Variants in GATA4 observed in about 807,000 individuals in gnomAD.
GATA4 encodes the protein transcription factor GATA-4.
GATA4 carries 7 observed loss-of-function variants against 37.9 expected under a neutral mutation model. The ratio of observed to expected loss-of-function variants is 0.18; its 90% confidence interval spans 0.11 to 0.35. The LOEUF (loss-of-function observed/expected upper bound fraction) is 0.35, where lower values mean the gene tolerates loss of function less well. Among genes scored for constraint, GATA4 ranks in the 10% least tolerant of loss-of-function variants. The probability of loss-of-function intolerance (pLI) is 1.00; values close to 1 mark genes in which losing one functional copy is unlikely to be tolerated. For synonymous variants in GATA4, 372 were observed against 292.6 expected, an observed-to-expected ratio of 1.27 and a Z score of -2.77; for missense variants, 647 against 653.0, an observed-to-expected ratio of 0.99 and a Z score of 0.10.
At chr8:11,755,489 C>T (rs747596761) in intron 5 of GATA4, among the ~76,000 whole-genome samples, 4 of 152,204 alleles carry the variant, frequency 2.6e-5, no homozygotes, top group Non-Finnish European at 5.9e-5. Context: ...CCTTTCAATT[C>T]TCTTTGGGCT....
intron 2 of GATA4, among the ~76,000 whole-genome samples, chr8:11,725,302 T>C (rs1800863541): frequency 6.6e-6 from 1 of 152,250 alleles, no homozygotes; most frequent in Non-Finnish European, 1.5e-5. Context: ...GGAGGAACTT[T>C]TGAATAGGGA....
At chr8:11,715,378 G>C (rs1800391434) in intron 2 of GATA4, among the ~76,000 whole-genome samples, 1 of 152,124 alleles carries the variant, frequency 6.6e-6, no homozygotes, top group African/African-American at 2.4e-5. Flanking sequence ...ACTCATTTCT[G>C]TGCCTTATTA....
intron 1 of GATA4, among the ~76,000 whole-genome samples, chr8:11,678,833 A>C (rs1028623230): frequency 3.9e-5 from 6 of 152,088 alleles, no homozygotes; most frequent in African/African-American, 1.4e-4. Context: ...TCTTCTAAGA[A>C]TTTGTCTCTG....
intron 1 of GATA4, among the ~76,000 whole-genome samples, chr8:11,706,786 G>T (rs1799906856): frequency 6.6e-6 from 1 of 151,986 alleles, no homozygotes; most frequent in African/African-American, 2.4e-5. Flanking sequence ...ATTGTACTTT[G>T]ATCTTAGACA....
intron 1 of GATA4, among the ~76,000 whole-genome samples, chr8:11,696,055 A>G (rs573469083): frequency 6.6e-6 from 1 of 152,330 alleles, no homozygotes; most frequent in African/African-American, 2.4e-5. Flanking sequence ...GCTGGAGAGA[A>G]TGGGAGCTGA....
At chr8:11,714,642 C>T (rs1290292866) in intron 2 of GATA4, among the ~76,000 whole-genome samples, 4 of 152,158 alleles carry the variant, frequency 2.6e-5, no homozygotes, top group Non-Finnish European at 5.9e-5. Flanking sequence ...GTGTCACTAC[C>T]TCTAGTGAGC....
At chr8:11,718,965 A>G (rs530732075) in intron 2 of GATA4, among the ~76,000 whole-genome samples, 9 of 152,364 alleles carry the variant, frequency 5.9e-5, no homozygotes, top group East Asian at 1.9e-4. Context: ...GGGGCAGACA[A>G]TCAGATCTGA....
chr8:11,730,113 C>T (rs1268562160), intron 2 of GATA4, among the ~76,000 whole-genome samples: 2 of 152,014 alleles, frequency 1.3e-5, no homozygotes, highest in African/African-American at 2.4e-5. Flanking sequence ...AGGGTTTTGC[C>T]ATGTTGCCCA....
At chr8:11,701,361 C>A (rs1206794841), upstream of GATA4, among the ~76,000 whole-genome samples, 1 of 152,136 alleles carries the variant, frequency 6.6e-6, no homozygotes, top group African/African-American at 2.4e-5. Flanking sequence ...CTACCCAGGC[C>A]AGCCCAGGCA....
Position 11,718,682 on chromosome 8 carries a change from C to T in GATA4, c.616+9754C>T, listed in dbSNP as rs553458875. 1.3e-3 allele frequency among the ~76,000 whole-genome samples: 193 copies of T among 152,318 alleles called. 1 individual carries two copies. The highest frequency in any genetic ancestry group is 2.7e-3 in the South Asian group (13 of 4,824). The stretch of plus-strand genomic sequence containing the variant: ...TCCCCTAATCGCAAATCCAGTTTTG[C>T]TTCTTAAAATCTAATCAGTCCTTAA... On this transcript the variant is annotated intron_variant, in intron 2 of 6. Coordinates refer to ENST00000532059, the MANE Select transcript of GATA4 (RefSeq NM_001308093.3).
intron 1 of GATA4, among the ~76,000 whole-genome samples, chr8:11,693,550 C>CAGAG (rs1166902782): frequency 2.1e-4 from 24 of 115,788 alleles, no homozygotes; most frequent in South Asian, 7.4e-4. Flanking sequence ...CACACACACA[C>CAGAG]ACACACACAC....
intron 2 of GATA4, among the ~76,000 whole-genome samples, chr8:11,747,286 C>G (rs559859617): frequency 2.4e-4 from 36 of 152,300 alleles, no homozygotes; most frequent in African/African-American, 8.2e-4. Context: ...AGCAAGAAAA[C>G]TGGCCCAGCC....
upstream of GATA4, among the ~76,000 whole-genome samples, chr8:11,692,276 C>A (rs549257703): frequency 6.6e-6 from 1 of 152,332 alleles, no homozygotes; most frequent in South Asian, 2.1e-4. Context: ...TAAGCTCCAT[C>A]ACACCTTTTC....
At chr8:11,695,132 G>A (rs569343236) in intron 1 of GATA4, among the ~76,000 whole-genome samples, 130 of 152,312 alleles carry the variant, frequency 8.5e-4, no homozygotes, top group Non-Finnish European at 1.2e-3. Context: ...GGCTGGGGGC[G>A]CGGTGGCTCA....
chr8:11,725,680 T>G (rs1320104529), intron 2 of GATA4, among the ~76,000 whole-genome samples: 1 of 152,248 alleles, frequency 6.6e-6, no homozygotes, highest in Non-Finnish European at 1.5e-5. Context: ...TGCTGCTGCC[T>G]GCCTGTCGTG....
intron 1 of GATA4, among the ~76,000 whole-genome samples, chr8:11,696,929 G>A (rs1338121686): frequency 6.6e-6 from 1 of 152,224 alleles, no homozygotes; most frequent in East Asian, 1.9e-4. Flanking sequence ...CCCTGGAACT[G>A]GGCATCTGCA....
chr8:11,706,429 A>T (rs747480143), intron 1 of GATA4, among the ~76,000 whole-genome samples: 1 of 152,188 alleles, frequency 6.6e-6, no homozygotes, highest in Non-Finnish European at 1.5e-5. Context: ...GCCTGTTAGG[A>T]CAGTTTTATA....
chr8:11,684,485 G>A (rs1799077413), intron 1 of GATA4, among the ~76,000 whole-genome samples: 1 of 152,140 alleles, frequency 6.6e-6, no homozygotes, highest in Non-Finnish European at 1.5e-5. Context: ...TCATTACAAA[G>A]AATGTTCTGG....
At chr8:11,750,486 G>C (rs770172066) in intron 4 of GATA4, among the ~76,000 whole-genome samples, 6 of 152,152 alleles carry the variant, frequency 3.9e-5, no homozygotes, top group Non-Finnish European at 8.8e-5. Context: ...GTGACGTTTC[G>C]ATTCAGTGGA....
Sources: allele counts gnomAD v4.1 joint callset (sites outside exome capture counted in the v4.1 genomes callset), GRCh38; gene constraint gnomAD v4.1.1; transcripts MANE v1.5; gene names NCBI Gene and HGNC (gene_info 2026-07-23, HGNC 2026-07-21).